Variants in SLIT3 observed in about 807,000 individuals in gnomAD.
SLIT3 encodes the protein slit homolog 3 protein.
In SLIT3, 68 loss-of-function variants were observed where a neutral mutation model predicts 184.0. The observed-to-expected ratio is 0.37, with a 90% confidence interval of 0.30 to 0.45. The LOEUF (loss-of-function observed/expected upper bound fraction) is 0.45, where lower values mean the gene tolerates loss of function less well. SLIT3 is among the 20% of genes least tolerant of loss of function. The probability of loss-of-function intolerance (pLI) is 1.00; values close to 1 mark genes in which losing one functional copy is unlikely to be tolerated. For missense variants in SLIT3, 1,707 were observed against 2,026.0 expected (o/e 0.84, Z 3.02); for synonymous variants, 831 against 828.6 (o/e 1.00, Z -0.05).
At chr5:168,785,865 G>C (rs369102414) in intron 12 of SLIT3, 42 bp downstream of exon 12, 1 of 1,451,428 alleles carries the variant, frequency 6.9e-7, no homozygotes, top group East Asian at 2.3e-5. Flanking sequence ...GGAGCCTTCC[G>C]ACAGTACCAA....
intron 5 of SLIT3, among the ~76,000 whole-genome samples, chr5:168,879,001 C>T (rs530941976): frequency 6.6e-6 from 1 of 152,328 alleles, no homozygotes; most frequent in South Asian, 2.1e-4. Context: ...AGGCATGAGC[C>T]ACCACACCTG....
chr5:169,005,619 T>C (rs1461088160), intron 4 of SLIT3, among the ~76,000 whole-genome samples: 1 of 152,254 alleles, frequency 6.6e-6, no homozygotes, highest in Non-Finnish European at 1.5e-5. Context: ...TACCAGTATG[T>C]ATATCCCTAC....
chr5:168,897,780 G>T (rs1349189907), intron 4 of SLIT3, among the ~76,000 whole-genome samples: 1 of 152,092 alleles, frequency 6.6e-6, no homozygotes, highest in Non-Finnish European at 1.5e-5. Flanking sequence ...TTAGCATTTG[G>T]GCTTCCCCAG....
chr5:168,799,497 T>C (rs1303491353), intron 9 of SLIT3, among the ~76,000 whole-genome samples: 5 of 152,272 alleles, frequency 3.3e-5, no homozygotes, highest in African/African-American at 1.2e-4. Context: ...ATTTGTGCTC[T>C]GTATTGATTT....
intron 1 of SLIT3, among the ~76,000 whole-genome samples, chr5:169,269,150 T>C (rs1766508893): frequency 6.6e-6 from 1 of 152,224 alleles, no homozygotes; most frequent in Non-Finnish European, 1.5e-5. Flanking sequence ...TATTAGCCTG[T>C]AAGCAATAAG....
intron 6 of SLIT3, among the ~76,000 whole-genome samples, chr5:168,840,778 A>G (rs2974432): frequency 0.32 from 48,387 of 152,120 alleles, 8,848 homozygotes; most frequent in African/African-American, 0.5. Context: ...AAATGCCACA[A>G]AGTTGAGGCT....
intron 4 of SLIT3, among the ~76,000 whole-genome samples, chr5:168,990,370 C>T (rs1466505338): frequency 6.6e-6 from 1 of 152,138 alleles, no homozygotes; most frequent in African/African-American, 2.4e-5. Flanking sequence ...GAATGCTAAA[C>T]GTTTGTTTGT....
At chr5:169,125,027 T>A (rs1052417533) in intron 4 of SLIT3, among the ~76,000 whole-genome samples, 2 of 152,034 alleles carry the variant, frequency 1.3e-5, no homozygotes, top group African/African-American at 4.8e-5. Flanking sequence ...TTTTTATTTT[T>A]TTGTTTTGTT....
At chr5:168,911,808 A>G (rs1159385932) in intron 4 of SLIT3, among the ~76,000 whole-genome samples, 1 of 152,232 alleles carries the variant, frequency 6.6e-6, no homozygotes, top group Non-Finnish European at 1.5e-5. Context: ...TCTTGCCTCA[A>G]TTATCTTAGA....
At chr5:168,800,753 C>A (rs1278023734) in intron 9 of SLIT3, among the ~76,000 whole-genome samples, 8 of 152,212 alleles carry the variant, frequency 5.3e-5, no homozygotes, top group African/African-American at 1.9e-4. Flanking sequence ...AGCAGAGGTA[C>A]AGACACAGCA....
At chr5:168,947,150 C>T (rs1199230896) in intron 4 of SLIT3, among the ~76,000 whole-genome samples, 1 of 152,146 alleles carries the variant, frequency 6.6e-6, no homozygotes, top group Non-Finnish European at 1.5e-5. Context: ...CACACACACA[C>T]ATAAATATGC....
intron 3 of SLIT3, among the ~76,000 whole-genome samples, chr5:169,234,834 G>T (rs935913597): frequency 3.3e-5 from 5 of 152,142 alleles, no homozygotes; most frequent in Non-Finnish European, 7.3e-5. Context: ...AAATATAAAT[G>T]CTGTTGCTCA....
intron 4 of SLIT3, among the ~76,000 whole-genome samples, chr5:169,127,379 C>T (rs1761120539): frequency 1.3e-5 from 2 of 152,168 alleles, no homozygotes; most frequent in Admixed American, 6.6e-5. Context: ...CCATGAGGCT[C>T]CACACAAAAT....
chr5:168,774,793 T>A (rs1042278569), intron 12 of SLIT3, among the ~76,000 whole-genome samples: 1 of 152,228 alleles, frequency 6.6e-6, no homozygotes, highest in Non-Finnish European at 1.5e-5. Flanking sequence ...TTCAGAAAAT[T>A]CCTTACAGTT....
At chr5:168,837,720 G>A (rs1254653208) in intron 6 of SLIT3, among the ~76,000 whole-genome samples, 4 of 152,192 alleles carry the variant, frequency 2.6e-5, no homozygotes, top group African/African-American at 4.8e-5. Flanking sequence ...CAGAGAAACA[G>A]TACAGAAGTA....
chr5:169,182,705 G>A (rs542122980), intron 4 of SLIT3, among the ~76,000 whole-genome samples: 4 of 152,332 alleles, frequency 2.6e-5, no homozygotes, highest in African/African-American at 9.6e-5. Context: ...GACAACTGAA[G>A]AATGTGTGTT....
At chr5:169,140,366 A>G (rs1045988900) in intron 4 of SLIT3, among the ~76,000 whole-genome samples, 2 of 138,040 alleles carry the variant, frequency 1.4e-5, no homozygotes, top group African/African-American at 2.8e-5. Context: ...CTGTAGTCCC[A>G]GCTACTCGGA....
intron 20 of SLIT3, among the ~76,000 whole-genome samples, chr5:168,741,216 A>T (rs1455542105): frequency 6.6e-6 from 1 of 152,168 alleles, no homozygotes; most frequent in Non-Finnish European, 1.5e-5. Flanking sequence ...CATGCCTGTA[A>T]TCCCAGCACT....
intron 4 of SLIT3, among the ~76,000 whole-genome samples, chr5:169,125,741 A>T (rs1761054848): frequency 6.6e-6 from 1 of 152,196 alleles, no homozygotes; most frequent in Non-Finnish European, 1.5e-5. Context: ...AGGGAGGAAA[A>T]GAACGTGACT....
Sources: allele counts gnomAD v4.1 joint callset (sites outside exome capture counted in the v4.1 genomes callset), GRCh38; gene constraint gnomAD v4.1.1; transcripts MANE v1.5; gene names NCBI Gene and HGNC (gene_info 2026-07-23, HGNC 2026-07-21).